Variants in TLL1 observed in about 807,000 individuals in gnomAD.
The protein encoded by TLL1 is tolloid like 1.
In TLL1, 49 loss-of-function variants were observed where a neutral mutation model predicts 128.2. The ratio of observed to expected loss-of-function variants is 0.38; its 90% CI spans 0.30 to 0.48. The LOEUF is 0.48. Ranked by LOEUF, TLL1 falls within the 20% of genes least tolerant of loss-of-function variation. TLL1 has a pLI of 0.96. For synonymous variants in TLL1, 454 were observed against 418.8 expected, an observed-to-expected ratio of 1.08 and a Z score of -1.03; for missense variants, 1,123 against 1,242.0, an observed-to-expected ratio of 0.90 and a Z score of 1.44.
chr4:166,047,560 C>T (rs1299134519), intron 12 of TLL1, among the ~76,000 whole-genome samples: 1 of 150,482 alleles, frequency 6.6e-6, no homozygotes, highest in Non-Finnish European at 1.5e-5. Flanking sequence ...TGAAGATAAA[C>T]TTGTCCATCA....
At position 166,055,556 on chromosome 4, in the gene TLL1, C is replaced by T. The variant is rs565166344; in HGVS notation, c.1720+285C>T. Among the ~76,000 whole-genome samples the T allele has an allele frequency of 3.9e-5, 6 of 152,196 alleles. No individual in the cohort carries two copies. In the East Asian group the frequency reaches 9.6e-4, roughly 24 times the overall value. On this transcript the variant is annotated intron_variant, in intron 13 of 20. Transcript: ENST00000061240. ...TATACAGACAGAAAGAAAATATTTGCAATGAAAATAACCAACCAAGAATTC... is the reference window on the plus strand; with the variant it reads ...TATACAGACAGAAAGAAAATATTTGTAATGAAAATAACCAACCAAGAATTC...
intron 9 of TLL1, chr4:166,031,042 A>C (rs1738744277): frequency 1.1e-6 from 1 of 879,930 alleles, no homozygotes; most frequent in Non-Finnish European, 1.4e-6. Flanking sequence ...AAATTTAATA[A>C]GTTAATACCC....
intron 1 of TLL1, among the ~76,000 whole-genome samples, chr4:165,897,287 G>A (rs546510765): frequency 7.9e-4 from 120 of 152,136 alleles, no homozygotes; most frequent in Middle Eastern, 3.4e-3. Flanking sequence ...TGTTTTAGTC[G>A]TGAAGTCTTT....
Position 166,057,176 on chromosome 4 carries a change from T to A in TLL1, c.1721-8T>A. ...ATAGTTGTTCTATAACTATGACCATTTTCATAGAGGAAGATGAGTGTGCCA... is the reference window on the plus strand; with the variant it reads ...ATAGTTGTTCTATAACTATGACCATATTCATAGAGGAAGATGAGTGTGCCA... On this transcript the variant is annotated splice_region_variant and splice_polypyrimidine_tract_variant and intron_variant, in intron 13 of 20. Transcript: ENST00000061240. 1.9e-6 allele frequency: 3 copies of A among 1,613,686 alleles called. 1 individual carries two copies. Among genetic ancestry groups the A allele is most frequent in the East Asian group, 2.2e-5 (1 of 44,824 alleles).
intron 1 of TLL1, among the ~76,000 whole-genome samples, chr4:165,948,000 C>A (rs2110934516): frequency 1.3e-5 from 2 of 152,262 alleles, no homozygotes; most frequent in South Asian, 4.1e-4. Flanking sequence ...CACGTGCTAC[C>A]TTGCAGGAAA....
chr4:166,103,137 C>A lies in TLL1; in HGVS notation c.*2261C>A, dbSNP rs1742365165. On this transcript the variant is annotated 3_prime_UTR_variant, in exon 21 of 21. Transcript: ENST00000061240. ...CACAGTGTAAAGTTAGATGTTGAAA[C>A]CCAGTTTATCTTATACAAATGAGCC... 1 of 151,798 alleles carries A rather than the reference C, an allele frequency of 6.6e-6. No homozygotes were observed. The highest frequency in any genetic ancestry group is 2.4e-5 in the African/African-American group (1 of 41,374). 9.4% of individuals were successfully genotyped at this position (151,798 alleles called of 1,614,324 possible).
At chr4:166,024,975 G>A (rs1413066801) in intron 8 of TLL1, among the ~76,000 whole-genome samples, 2 of 152,076 alleles carry the variant, frequency 1.3e-5, no homozygotes, top group African/African-American at 4.8e-5. Context: ...GAGCCATATC[G>A]TCCAGGTATC....
chr4:166,098,588 A>G (rs1011772357), intron 19 of TLL1, among the ~76,000 whole-genome samples: 9 of 152,018 alleles, frequency 5.9e-5, no homozygotes, highest in Non-Finnish European at 1.2e-4. Context: ...AACACAGGCT[A>G]TTGTTGGATA....
At chr4:166,094,103 C>T (rs995036846) in intron 19 of TLL1, among the ~76,000 whole-genome samples, 2 of 152,000 alleles carry the variant, frequency 1.3e-5, no homozygotes, top group Non-Finnish European at 2.9e-5. Flanking sequence ...TATTGTGATC[C>T]AATGGTAGAG....
intron 1 of TLL1, among the ~76,000 whole-genome samples, chr4:165,896,161 T>G (rs1216141418): frequency 6.6e-6 from 1 of 152,144 alleles, no homozygotes; most frequent in African/African-American, 2.4e-5. Flanking sequence ...CAATTCCAGC[T>G]TATGAGTGAG....
chr4:166,031,898 A>G (rs183017459), intron 9 of TLL1, among the ~76,000 whole-genome samples: 34 of 152,134 alleles, frequency 2.2e-4, no homozygotes, highest in Non-Finnish European at 4.4e-4. Context: ...TGCCTACACT[A>G]CACTAGGTGC....
Position 165,992,893 on chromosome 4 carries a change from A to G in TLL1, c.361+9A>G, listed in dbSNP as rs768828893. On this transcript the variant is annotated intron_variant, in intron 3 of 20. Coordinates refer to ENST00000061240, the MANE Select transcript of TLL1 (RefSeq NM_012464.5). The stretch of plus-strand genomic sequence containing the variant: ...AAGAAGAATTGGCTTTGGTATATCA[A>G]TGTTTAAAGTTGCAGACGCTTGACT... The G allele has an allele frequency of 4.2e-5, 68 of 1,610,920 alleles. No individual in the cohort carries two copies. Among genetic ancestry groups the G allele is most frequent in the Non-Finnish European group, 3.1e-5 (37 of 1,177,486 alleles).
intron 1 of TLL1, among the ~76,000 whole-genome samples, chr4:165,964,311 T>G (rs1579553470): frequency 6.6e-6 from 1 of 152,316 alleles, no homozygotes; most frequent in South Asian, 2.1e-4. Context: ...CCATACTAAC[T>G]TTGGTGCTAG....
rs79734723 is a variant in TLL1, at chr4:165,918,405, C to T, written c.169+44332C>T. Among the ~76,000 whole-genome samples, 1,447 of 151,996 alleles carry T rather than the reference C, an allele frequency of 9.5e-3. 24 individuals are homozygous for T. Among genetic ancestry groups the T allele is most frequent in the African/African-American group, 0.033 (1,351 of 41,456 alleles). Reference sequence around the variant, plus strand: ...TTTGTGGTTTTTAACACTTGCTGCACGTTAAAATTATTTGGGGGAGTCTTA... The same window carrying T: ...TTTGTGGTTTTTAACACTTGCTGCATGTTAAAATTATTTGGGGGAGTCTTA... On this transcript the variant is annotated intron_variant, in intron 1 of 20. Transcript: ENST00000061240.
chr4:165,924,672 A>G (rs1228248752), intron 1 of TLL1, among the ~76,000 whole-genome samples: 1 of 152,232 alleles, frequency 6.6e-6, no homozygotes, highest in East Asian at 1.9e-4. Context: ...GGAGGTGGCC[A>G]CACTAAGCAA....
At chr4:166,063,092 C>G (rs1244033187) in intron 15 of TLL1, among the ~76,000 whole-genome samples, 8 of 152,128 alleles carry the variant, frequency 5.3e-5, no homozygotes, top group Non-Finnish European at 1.2e-4. Flanking sequence ...ATCTACCCAT[C>G]TGACAAAGTT....
chr4:166,025,439 A>C lies in TLL1; in HGVS notation c.1158+8A>C. The C allele has an allele frequency of 6.4e-7, 1 of 1,571,944 alleles. No individual in the cohort carries two copies. Among genetic ancestry groups the C allele is most frequent in the African/African-American group, 1.4e-5 (1 of 74,042 alleles). On this transcript the variant is annotated splice_region_variant and intron_variant, in intron 9 of 20. Coordinates refer to ENST00000061240, the MANE Select transcript of TLL1 (RefSeq NM_012464.5). ...GTGACCCCAGGGGAGAAGGTAGTTT[A>C]TACCGTCAAGCCCACTATTTTATTC...
chr4:166,059,938 T>G, intron 14 of TLL1, 90 bp from the exon 15 acceptor site: 42 of 1,460,424 alleles, frequency 2.9e-5, no homozygotes, highest in Non-Finnish European at 3.7e-5. Context: ...AATTTAGTGC[T>G]GAGATGTTTG....
chr4:165,892,182 A>G lies in TLL1; in HGVS notation c.169+18109A>G, dbSNP rs980613033. Among the ~76,000 whole-genome samples the G allele has an allele frequency of 3.9e-5, 6 of 152,202 alleles. No individual in the cohort carries two copies. The South Asian group carries it at 1.0e-3, about 26-fold the overall frequency. ...AAACAGCATGGATGTTACTGCTCCC[A>G]TGATTCAATTACTTCCCACCGGTCC... On this transcript the variant is annotated intron_variant, in intron 1 of 20. Coordinates refer to ENST00000061240, the MANE Select transcript of TLL1 (RefSeq NM_012464.5).
Sources: gnomAD v4.1 joint callset for allele counts (sites outside exome capture counted in the v4.1 genomes callset) on GRCh38, gnomAD v4.1.1 for gene constraint, MANE v1.5 for transcripts, NCBI Gene and HGNC (gene_info 2026-07-23, HGNC 2026-07-21) for gene names.